Variants in CAMKMT observed in about 807,000 individuals in gnomAD.
CAMKMT encodes CaM KMT.
In CAMKMT, 53 loss-of-function variants were observed where a neutral mutation model predicts 48.0. That is an observed-to-expected ratio of 1.10 (90% confidence interval 0.89 to 1.39). The LOEUF (loss-of-function observed/expected upper bound fraction) is 1.39. Among genes scored for constraint, CAMKMT ranks in the 40% most tolerant of loss-of-function variants. The pLI is 0.00. For missense variants in CAMKMT, 428 were observed against 402.7 expected, an observed-to-expected ratio of 1.06 and a Z score of -0.54; for synonymous variants, 165 against 152.3, an observed-to-expected ratio of 1.08 and a Z score of -0.61.
At chr2:44,686,161 A>G (rs1676322489) in intron 3 of CAMKMT, among the ~76,000 whole-genome samples, 1 of 152,144 alleles carries the variant, frequency 6.6e-6, no homozygotes, top group Non-Finnish European at 1.5e-5. Flanking sequence ...TGGGAGGCTG[A>G]GGTGGGCGGA....
intron 3 of CAMKMT, among the ~76,000 whole-genome samples, chr2:44,579,083 T>C (rs1669397414): frequency 6.6e-6 from 1 of 152,248 alleles, no homozygotes; most frequent in Non-Finnish European, 1.5e-5. Context: ...AGCAGACATA[T>C]TTCTTTGCCA....
intron 3 of CAMKMT, among the ~76,000 whole-genome samples, chr2:44,413,285 G>T (rs909110292): frequency 2.6e-5 from 4 of 151,848 alleles, no homozygotes; most frequent in Non-Finnish European, 5.9e-5. Flanking sequence ...AAAATGTAGG[G>T]TCAAATGAAA....
At chr2:44,729,130 G>C (rs987783957) in intron 7 of CAMKMT, among the ~76,000 whole-genome samples, 1 of 152,112 alleles carries the variant, frequency 6.6e-6, no homozygotes, top group Non-Finnish European at 1.5e-5. Flanking sequence ...CCAGAGAAGT[G>C]ACTGTACGTA....
intron 5 of CAMKMT, 100 bp from the exon 6 acceptor site, chr2:44,707,299 G>C: frequency 1.1e-6 from 1 of 912,852 alleles, no homozygotes; most frequent in East Asian, 2.5e-5. Flanking sequence ...AGAGAAATAG[G>C]TGAGGAAGCA....
chr2:44,662,635 C>T (rs961900579), intron 3 of CAMKMT, among the ~76,000 whole-genome samples: 3 of 152,080 alleles, frequency 2.0e-5, no homozygotes, highest in African/African-American at 7.2e-5. Context: ...CTTTGTCACC[C>T]AAGATGGAGT....
intron 3 of CAMKMT, among the ~76,000 whole-genome samples, chr2:44,436,385 T>G (rs1666254746): frequency 6.6e-6 from 1 of 152,042 alleles, no homozygotes; most frequent in Non-Finnish European, 1.5e-5. Flanking sequence ...CCAAACTCAA[T>G]TCTCACTTCA....
At chr2:44,438,614 C>G (rs1471967722) in intron 3 of CAMKMT, among the ~76,000 whole-genome samples, 1 of 152,084 alleles carries the variant, frequency 6.6e-6, no homozygotes, top group Non-Finnish European at 1.5e-5. Context: ...AGATATGATC[C>G]CTACCTGTCT....
At chr2:44,754,222 CT>C (rs1680274025) in intron 9 of CAMKMT, 104 bp downstream of exon 9, 1 of 840,840 alleles carries the variant, frequency 1.2e-6, no homozygotes, top group Non-Finnish European at 1.9e-6. Flanking sequence ...TCATGTAATA[CT>C]TTAATACTTA....
At chr2:44,482,701 C>CT (rs1196859346) in intron 3 of CAMKMT, among the ~76,000 whole-genome samples, 3 of 151,966 alleles carry the variant, frequency 2.0e-5, no homozygotes, top group Admixed American at 6.6e-5. Context: ...TAGGAGGGCC[C>CT]TTTTTTTCAC....
chr2:44,504,438 T>C lies in CAMKMT; in HGVS notation c.376+114133T>C, dbSNP rs139494700. Among the ~76,000 whole-genome samples, 562 of 152,316 alleles carry C rather than the reference T, an allele frequency of 3.7e-3. 6 individuals are homozygous for C. The highest frequency in any genetic ancestry group is 0.013 in the African/African-American group (534 of 41,576). On this transcript the variant is annotated intron_variant, in intron 3 of 10. Coordinates refer to ENST00000378494, the MANE Select transcript of CAMKMT (RefSeq NM_024766.5). Reference sequence around the variant, plus strand: ...TTTGAGAGCTCATAATTGGCTTACCTTATGATTCCATAAAAGTGAATATTT... The same window carrying C: ...TTTGAGAGCTCATAATTGGCTTACCCTATGATTCCATAAAAGTGAATATTT...
chr2:44,531,544 G>A (rs1441132497), intron 3 of CAMKMT, among the ~76,000 whole-genome samples: 1 of 152,124 alleles, frequency 6.6e-6, no homozygotes, highest in Non-Finnish European at 1.5e-5. Context: ...AGTTTTATCA[G>A]CGGCCATAGG....
chr2:44,414,814 A>G (rs1317926657), intron 3 of CAMKMT, among the ~76,000 whole-genome samples: 3 of 152,222 alleles, frequency 2.0e-5, no homozygotes, highest in African/African-American at 7.2e-5. Context: ...GCTACACTTG[A>G]ACTGTCTAGC....
At chr2:44,393,040 A>T (rs904805216) in intron 3 of CAMKMT, among the ~76,000 whole-genome samples, 4 of 151,964 alleles carry the variant, frequency 2.6e-5, no homozygotes, top group Non-Finnish European at 4.4e-5. Flanking sequence ...TAGATACAGT[A>T]AAAAAAGGTA....
At chr2:44,582,752 G>A (rs569597177) in intron 3 of CAMKMT, among the ~76,000 whole-genome samples, 2 of 152,272 alleles carry the variant, frequency 1.3e-5, no homozygotes, top group East Asian at 3.9e-4. Flanking sequence ...ATGCAGAGGT[G>A]GCTTAGAGTT....
chr2:44,662,320 C>G (rs1375759196), intron 3 of CAMKMT, among the ~76,000 whole-genome samples: 1 of 152,174 alleles, frequency 6.6e-6, no homozygotes, highest in African/African-American at 2.4e-5. Flanking sequence ...TGATATTGAA[C>G]GACTATAAGA....
intron 3 of CAMKMT, among the ~76,000 whole-genome samples, chr2:44,479,144 G>A (rs953648615): frequency 6.6e-6 from 1 of 152,194 alleles, no homozygotes; most frequent in Admixed American, 6.5e-5. Flanking sequence ...AATGCCACAA[G>A]AAACTGGCAT....
At chr2:44,381,415 G>A (rs1326538072) in intron 2 of CAMKMT, among the ~76,000 whole-genome samples, 1 of 152,084 alleles carries the variant, frequency 6.6e-6, no homozygotes, top group African/African-American at 2.4e-5. Context: ...AGAGACAGAT[G>A]CAAGAAGAAG....
chr2:44,499,705 T>C (rs779672655), intron 3 of CAMKMT, among the ~76,000 whole-genome samples: 5 of 152,236 alleles, frequency 3.3e-5, no homozygotes, highest in Admixed American at 2.6e-4. Flanking sequence ...GATCTTCCAG[T>C]TGAGTGAACA....
chr2:44,695,560 C>T (rs887577770), intron 3 of CAMKMT, among the ~76,000 whole-genome samples: 1 of 152,130 alleles, frequency 6.6e-6, no homozygotes, highest in Non-Finnish European at 1.5e-5. Context: ...AAAGACCATG[C>T]ATTTCTAGGT....
Sources: allele counts gnomAD v4.1 joint callset (sites outside exome capture counted in the v4.1 genomes callset), GRCh38; gene constraint gnomAD v4.1.1; transcripts MANE v1.5; gene names NCBI Gene and HGNC (gene_info 2026-07-23, HGNC 2026-07-21).